BARD1: variants seen among roughly 807,000 people sequenced by gnomAD.
BARD1 encodes the protein BRCA1 associated RING domain 1, also known as BRCA1-associated RING domain protein 1.
In BARD1, 73 loss-of-function variants were observed where a neutral mutation model predicts 77.0. The ratio of observed to expected loss-of-function variants is 0.95; its 90% CI spans 0.79 to 1.15. The LOEUF is 1.15. Ranked by LOEUF, BARD1 falls within the 50% of genes most tolerant of loss-of-function variation. The pLI is 0.00. For missense variants in BARD1, 993 were observed against 938.8 expected (o/e 1.06, Z -0.75); for synonymous variants, 384 against 338.0 (o/e 1.14, Z -1.49).
chr2:214,803,226 G>GT (rs1696107479), intron 1 of BARD1, among the ~76,000 whole-genome samples: 1 of 151,870 alleles, frequency 6.6e-6, no homozygotes, highest in African/African-American at 2.4e-5. Flanking sequence ...ATTGTCCAAG[G>GT]TTTCTCCCCA....
intron 10 of BARD1, among the ~76,000 whole-genome samples, 178 bp from the exon 11 acceptor site, chr2:214,729,186 G>T (rs1395786281): frequency 6.6e-6 from 1 of 152,186 alleles, no homozygotes; most frequent in Non-Finnish European, 1.5e-5. Flanking sequence ...TATACATGAG[G>T]TATCTTAAGG....
chr2:214,794,170 C>T (rs143193897), intron 2 of BARD1, among the ~76,000 whole-genome samples: 5 of 152,040 alleles, frequency 3.3e-5, no homozygotes, highest in Non-Finnish European at 5.9e-5. Flanking sequence ...GATGATCACC[C>T]AAGCCAAGAA....
chr2:214,731,562 A>G (rs1264470586), intron 9 of BARD1, among the ~76,000 whole-genome samples: 1 of 152,240 alleles, frequency 6.6e-6, no homozygotes, highest in African/African-American at 2.4e-5. Flanking sequence ...GCCTATGGAA[A>G]TAAAAAATGA....
intron 2 of BARD1, among the ~76,000 whole-genome samples, chr2:214,795,236 A>G (rs571083506): frequency 6.6e-6 from 1 of 152,306 alleles, no homozygotes; most frequent in Non-Finnish European, 1.5e-5. Flanking sequence ...TAACTGGTAA[A>G]AAGTAAGCCT....
At chr2:214,738,044 C>T (rs369560688) in intron 9 of BARD1, among the ~76,000 whole-genome samples, 20 of 152,202 alleles carry the variant, frequency 1.3e-4, no homozygotes, top group African/African-American at 4.8e-4. Context: ...AGTAAGTTTA[C>T]GTAAACATAA....
chr2:214,803,946 G>T (rs763887638), intron 1 of BARD1, among the ~76,000 whole-genome samples: 2 of 151,670 alleles, frequency 1.3e-5, no homozygotes, highest in Non-Finnish European at 2.9e-5. Context: ...TCTTCGAAAA[G>T]AAAAAAAGGA....
intron 3 of BARD1, among the ~76,000 whole-genome samples, chr2:214,791,112 T>C (rs754294723): frequency 1.3e-5 from 2 of 152,174 alleles, no homozygotes; most frequent in Non-Finnish European, 2.9e-5. Context: ...TAAAAATGTG[T>C]GTGTATAGTT....
chr2:214,752,275 T>C (rs977364948), intron 7 of BARD1, among the ~76,000 whole-genome samples, 172 bp downstream of exon 7: 1 of 152,216 alleles, frequency 6.6e-6, no homozygotes, highest in African/African-American at 2.4e-5. Flanking sequence ...TATTTCTAGA[T>C]GGTCGTACTG....
chr2:214,774,522 C>T (rs909351648), intron 4 of BARD1, among the ~76,000 whole-genome samples: 7 of 152,266 alleles, frequency 4.6e-5, no homozygotes, highest in African/African-American at 1.7e-4. Flanking sequence ...GAATATCTTT[C>T]CTGAACAGTA....
At chr2:214,761,960 C>T (rs138530663) in intron 6 of BARD1, among the ~76,000 whole-genome samples, 48 of 152,156 alleles carry the variant, frequency 3.2e-4, no homozygotes, top group African/African-American at 1.1e-3. Flanking sequence ...TGGATAGAAA[C>T]GTACTAAATC....
intron 3 of BARD1, among the ~76,000 whole-genome samples, chr2:214,791,362 G>C (rs1282717304): frequency 6.6e-6 from 1 of 152,068 alleles, no homozygotes; most frequent in Admixed American, 6.6e-5. Context: ...AGGATTCTAA[G>C]AACAAAAGAT....
At chr2:214,796,730 AC>A (rs1189770925) in intron 2 of BARD1, 1 of 308,144 alleles carries the variant, frequency 3.2e-6, no homozygotes, top group East Asian at 7.6e-5. Flanking sequence ...CTATACTTTC[AC>A]AATTTTGAGT....
At chr2:214,806,491 G>T (rs929567251) in intron 1 of BARD1, among the ~76,000 whole-genome samples, 1 of 152,182 alleles carries the variant, frequency 6.6e-6, no homozygotes, top group African/African-American at 2.4e-5. Context: ...CTTGAGTAAG[G>T]TGCAGCTGGC....
chr2:214,767,382 A>T, intron 6 of BARD1, 100 bp downstream of exon 6: 1 of 1,162,976 alleles, frequency 8.6e-7, no homozygotes, highest in Non-Finnish European at 1.3e-6. Flanking sequence ...GAAAGTGAAG[A>T]AAGCCATCAA....
intron 3 of BARD1, among the ~76,000 whole-genome samples, chr2:214,789,549 AAAAT>A (rs938294941): frequency 6.6e-6 from 1 of 152,066 alleles, no homozygotes; most frequent in Admixed American, 6.6e-5. Context: ...TGTCTGTCTC[AAAAT>A]AAATAAATAA....
chr2:214,748,289 T>A (rs1201927648), intron 7 of BARD1, among the ~76,000 whole-genome samples: 1 of 152,114 alleles, frequency 6.6e-6, no homozygotes, highest in Non-Finnish European at 1.5e-5. Flanking sequence ...CATGTCTGAT[T>A]TGGGGTGAGG....
At chr2:214,759,299 T>TA (rs201632563) in intron 6 of BARD1, among the ~76,000 whole-genome samples, 1,722 of 150,940 alleles carry the variant, frequency 0.011, 13 homozygotes, top group Middle Eastern at 0.076. Context: ...CCATTAAAAA[T>TA]AAAAAAAAAG....
intron 6 of BARD1, among the ~76,000 whole-genome samples, chr2:214,757,485 T>C (rs1428624351): frequency 6.6e-6 from 1 of 152,190 alleles, no homozygotes; most frequent in Non-Finnish European, 1.5e-5. Context: ...TACTGGATGA[T>C]TTGTTACTGA....
rs747681833 is a variant in BARD1 at position 214,780,917 on chromosome 2, A to C, written c.957T>G (p.Asn319Lys). The C allele has an allele frequency of 1.2e-6, 2 of 1,614,024 alleles. No individual in the cohort carries two copies. Among genetic ancestry groups the C allele is most frequent in the Non-Finnish European group, 8.5e-7 (1 of 1,179,952 alleles). The change falls in exon 4 of 11, where the codon AAT becomes AAG. Residue 319 changes from asparagine to lysine, a missense_variant. Transcript: ENST00000260947. ...GTCTATTGTGATGGCCACGTTTTCCATTATTTTCTAATGGCAAAGATTTCT... is the reference window on the plus strand; with the variant it reads ...GTCTATTGTGATGGCCACGTTTTCCCTTATTTTCTAATGGCAAAGATTTCT... Reference protein sequence around the residue: ...TSKKSLPLENNGKRGHHNRLS... With the variant: ...TSKKSLPLENKGKRGHHNRLS...
Sources: gnomAD v4.1 joint callset for allele counts (sites outside exome capture counted in the v4.1 genomes callset) on GRCh38, gnomAD v4.1.1 for gene constraint, MANE v1.5 for transcripts, NCBI Gene and HGNC (gene_info 2026-07-23, HGNC 2026-07-21) for gene names.